CHN1: variants seen among roughly 807,000 people sequenced by gnomAD.
CHN1 encodes the protein chimerin 1.
In CHN1, 37 loss-of-function variants were observed where a neutral mutation model predicts 59.5. The observed-to-expected ratio is 0.62, with a 90% CI of 0.48 to 0.82. CHN1 has a LOEUF of 0.82. Among genes scored for constraint, CHN1 ranks in the 40% least tolerant of loss-of-function variants. The pLI is 0.00. For missense variants in CHN1, 469 were observed against 571.0 expected (o/e 0.82, Z 1.82); for synonymous variants, 206 against 200.4 (o/e 1.03, Z -0.24).
chr2:175,000,945 T>C (rs563896364), intron 1 of CHN1, among the ~76,000 whole-genome samples: 18 of 152,244 alleles, frequency 1.2e-4, no homozygotes, highest in African/African-American at 3.4e-4. Flanking sequence ...CTTGCTGTGT[T>C]GTCCAGACTG....
intron 3 of CHN1, among the ~76,000 whole-genome samples, chr2:174,943,389 G>A (rs903358512): frequency 6.6e-6 from 1 of 152,034 alleles, no homozygotes; most frequent in Non-Finnish European, 1.5e-5. Flanking sequence ...ACCACAACCA[G>A]CTAATTTTTG....
chr2:174,883,435 C>T (rs1220889843), intron 5 of CHN1, among the ~76,000 whole-genome samples: 8 of 152,140 alleles, frequency 5.3e-5, no homozygotes, highest in Non-Finnish European at 1.0e-4. Context: ...AGGCTTGTAC[C>T]TTTCCTGATA....
chr2:174,915,138 G>C lies in CHN1; in HGVS notation c.180C>G (p.Asp60Glu), dbSNP rs1304221699. 9.3e-6 allele frequency: 15 copies of C among 1,611,698 alleles called. No individual in the cohort carries two copies. The highest frequency in any genetic ancestry group is 1.3e-5 in the Non-Finnish European group (15 of 1,179,040). The change falls in exon 5 of 13, where the codon GAC (aspartate) becomes GAG (glutamate). Residue 60 changes from aspartate (D) to glutamate (E), a missense_variant. This residue lies in a region of CHN1 where 152 missense variants were observed against 166.1 expected (regional missense o/e 0.92). Coordinates refer to ENST00000409900, the MANE Select transcript of CHN1 (RefSeq NM_001822.7). Reference protein sequence around the residue: ...FHGMISREAADQLLIVAEGSY... With the variant: ...FHGMISREAAEQLLIVAEGSY... Reference sequence around the variant, plus strand: ...TCCCCTCAGCCACAATCAAGAGCTGGTCGGCTGCTTCTCTGGAGATCATGC... The same window carrying C: ...TCCCCTCAGCCACAATCAAGAGCTGCTCGGCTGCTTCTCTGGAGATCATGC...
At chr2:174,890,376 T>C (rs1003226596) in intron 5 of CHN1, among the ~76,000 whole-genome samples, 1 of 152,048 alleles carries the variant, frequency 6.6e-6, no homozygotes, top group Non-Finnish European at 1.5e-5. Context: ...CAGGAAGATA[T>C]AGTAAGTATA....
intron 1 of CHN1, among the ~76,000 whole-genome samples, chr2:174,980,578 A>G (rs564888166): frequency 8.5e-5 from 13 of 152,314 alleles, no homozygotes; most frequent in South Asian, 8.3e-4. Context: ...AATTAAGCTT[A>G]AAGTAAAATT....
chr2:174,807,953 C>T (rs1314324076), intron 11 of CHN1, among the ~76,000 whole-genome samples: 7 of 152,016 alleles, frequency 4.6e-5, no homozygotes, highest in Admixed American at 4.6e-4. Context: ...CCAAAAAAAC[C>T]AGTAATGCTA....
intron 4 of CHN1, among the ~76,000 whole-genome samples, 157 bp downstream of exon 4, chr2:174,918,377 T>C (rs1370158628): frequency 6.6e-6 from 1 of 152,230 alleles, no homozygotes; most frequent in Non-Finnish European, 1.5e-5. Flanking sequence ...ATTGTCTATA[T>C]TGTTCACCAA....
chr2:174,863,837 A>T (rs1687136545), intron 6 of CHN1, among the ~76,000 whole-genome samples: 1 of 152,164 alleles, frequency 6.6e-6, no homozygotes, highest in Non-Finnish European at 1.5e-5. Context: ...TTCTGCAGAT[A>T]TCTCAATTTT....
intron 1 of CHN1, among the ~76,000 whole-genome samples, chr2:174,985,918 CTATT>C (rs1345837934): frequency 1.3e-5 from 2 of 152,152 alleles, no homozygotes; most frequent in Non-Finnish European, 2.9e-5. Flanking sequence ...TGTTTTCACT[CTATT>C]CATCAGTATA....
chr2:174,994,744 T>C (rs539198620), intron 1 of CHN1, among the ~76,000 whole-genome samples: 2 of 152,274 alleles, frequency 1.3e-5, no homozygotes, highest in Middle Eastern at 3.4e-3. Context: ...CAAAGGCTCA[T>C]TAAGTAAAAT....
At chr2:174,957,448 G>T (rs1428344780) in intron 1 of CHN1, among the ~76,000 whole-genome samples, 2 of 138,654 alleles carry the variant, frequency 1.4e-5, no homozygotes, top group African/African-American at 5.2e-5. Context: ...GTGTGTGTTG[G>T]GGGGGGGGGC....
At chr2:174,966,093 T>C (rs1020419420) in intron 1 of CHN1, among the ~76,000 whole-genome samples, 3 of 152,192 alleles carry the variant, frequency 2.0e-5, no homozygotes, top group African/African-American at 7.2e-5. Context: ...TCCTAGAAGA[T>C]GCTTCAAAAT....
intron 1 of CHN1, among the ~76,000 whole-genome samples, chr2:174,953,277 C>T (rs1237007636): frequency 6.6e-6 from 1 of 152,018 alleles, no homozygotes; most frequent in Non-Finnish European, 1.5e-5. Context: ...CTTTAAACTG[C>T]AATATCACAC....
intron 6 of CHN1, among the ~76,000 whole-genome samples, chr2:174,857,700 T>G (rs185295195): frequency 6.6e-6 from 1 of 152,138 alleles, no homozygotes; most frequent in Non-Finnish European, 1.5e-5. Context: ...CCCCCATGAA[T>G]CTGAGGGGAT....
intron 5 of CHN1, among the ~76,000 whole-genome samples, chr2:174,894,692 C>A (rs1191231507): frequency 1.3e-5 from 2 of 152,108 alleles, no homozygotes; most frequent in African/African-American, 4.8e-5. Context: ...CAGCATTGTT[C>A]ACAATAGCCA....
At chr2:174,978,624 C>G (rs1350158895) in intron 1 of CHN1, among the ~76,000 whole-genome samples, 3 of 152,204 alleles carry the variant, frequency 2.0e-5, no homozygotes, top group African/African-American at 7.2e-5. Flanking sequence ...TAATTCCAGG[C>G]TCCAAATGCA....
rs1437245870 is a variant in CHN1 at position 174,799,997 on chromosome 2, T to G, written c.*119A>C. On this transcript the variant is annotated 3_prime_UTR_variant, in exon 13 of 13. Transcript: ENST00000409900. ...AAAACAACAGAAAGTTCCTTCACTT[T>G]AATCTGGTTATATGCCCAAACCTCT... 1 of 966,676 alleles carries G rather than the reference T, an allele frequency of 1.0e-6. No individual in the cohort carries two copies. 59.9% of individuals were successfully genotyped at this position (966,676 alleles called of 1,614,324 possible).
intron 3 of CHN1, among the ~76,000 whole-genome samples, chr2:174,930,239 T>A (rs1574178100): frequency 6.6e-6 from 1 of 152,042 alleles, no homozygotes; most frequent in Admixed American, 6.5e-5. Flanking sequence ...ATATGTCAGG[T>A]GAGACACAGA....
chr2:174,858,595 T>C (rs898654081), intron 6 of CHN1, among the ~76,000 whole-genome samples: 4 of 152,178 alleles, frequency 2.6e-5, no homozygotes, highest in African/African-American at 9.7e-5. Context: ...TAAAAGTAGC[T>C]TGCTTTTGGG....
Sources: allele counts gnomAD v4.1 joint callset (sites outside exome capture counted in the v4.1 genomes callset), GRCh38; gene constraint gnomAD v4.1.1; regional missense constraint gnomAD v4.1.1; transcripts MANE v1.5; gene names NCBI Gene and HGNC (gene_info 2026-07-23, HGNC 2026-07-21).